Variants in FRMD7 observed in about 807,000 individuals in gnomAD.
The protein encoded by FRMD7 is FERM domain-containing protein 7.
FRMD7 carries 14 observed loss-of-function variants against 44.1 expected under a neutral mutation model. The ratio of observed to expected loss-of-function variants is 0.32; its 90% CI spans 0.21 to 0.50. The LOEUF (loss-of-function observed/expected upper bound fraction) is 0.50, where lower values mean the gene tolerates loss of function less well. FRMD7 is among the 20% of genes least tolerant of loss of function. The pLI is 0.99. For synonymous variants in FRMD7, 212 were observed against 187.4 expected (o/e 1.13, Z -1.07); for missense variants, 501 against 522.3 (o/e 0.96, Z 0.40).
rs772563378 is a variant in FRMD7, at chrX:132,094,067, C to T, written c.357G>A (p.Ala119=). ...ATTGTAAGATGTGAGATACCATCAA[C>T]GCTGTACAGTTGTCACTGCATGGAA... ...GRLPCSDNCT[A]LMVSHILQSE... The change falls in exon 5 of 12, where the codon GCG becomes GCA. Residue 119 remains alanine, a synonymous_variant. Coordinates refer to ENST00000298542, the MANE Select transcript of FRMD7 (RefSeq NM_194277.3). 6.8e-6 allele frequency: 8 copies of T among 1,170,501 alleles called. No individual in the cohort carries two copies. The highest frequency in any genetic ancestry group is 3.0e-5 in the East Asian group (1 of 33,659).
At chrX:132,120,225 A>G (rs1183637895) in intron 1 of FRMD7, among the ~76,000 whole-genome samples, 1 of 112,869 alleles carries the variant, frequency 8.9e-6, no homozygotes, top group East Asian at 2.8e-4. Context: ...TGTTTGTGAC[A>G]GGTCAAAACA....
At chrX:132,119,476 T>C (rs1928981843) in intron 1 of FRMD7, among the ~76,000 whole-genome samples, 1 of 111,572 alleles carries the variant, frequency 9.0e-6, no homozygotes, top group African/African-American at 3.3e-5. Context: ...AAGGACCTCT[T>C]GTTTAAGACA....
chrX:132,086,642 C>T (rs766408623), intron 5 of FRMD7, among the ~76,000 whole-genome samples: 1 of 104,555 alleles, frequency 9.6e-6, no homozygotes, highest in East Asian at 3.0e-4. Flanking sequence ...CATCTGCTAG[C>T]CAAGGAGAAA....
intron 1 of FRMD7, among the ~76,000 whole-genome samples, chrX:132,122,684 T>C (rs1412234906): frequency 6.2e-5 from 7 of 112,367 alleles, no homozygotes; most frequent in Admixed American, 9.4e-5. Flanking sequence ...GGCATATGTG[T>C]TTGGATATAG....
intron 1 of FRMD7, among the ~76,000 whole-genome samples, chrX:132,102,375 G>A (rs1928523847): frequency 8.9e-6 from 1 of 111,950 alleles, no homozygotes; most frequent in Non-Finnish European, 1.9e-5. Context: ...GCTCTACCAA[G>A]GGAAAGGGGG....
intron 1 of FRMD7, among the ~76,000 whole-genome samples, chrX:132,117,908 T>C (rs1928941045): frequency 8.9e-6 from 1 of 112,358 alleles, no homozygotes; most frequent in South Asian, 3.7e-4. Context: ...GATACATTTT[T>C]CCAGAAACTG....
intron 1 of FRMD7, among the ~76,000 whole-genome samples, chrX:132,127,150 C>A (rs191108708): frequency 6.2e-5 from 7 of 112,518 alleles, no homozygotes; most frequent in African/African-American, 1.6e-4. Flanking sequence ...GATGTTGGAA[C>A]ATGAGCACCA....
chrX:132,093,354 T>A (rs978278741), intron 5 of FRMD7, among the ~76,000 whole-genome samples: 3 of 112,137 alleles, frequency 2.7e-5, no homozygotes, highest in African/African-American at 9.7e-5. Flanking sequence ...AGGGAGAAAA[T>A]GTCCAGCTGG....
intron 1 of FRMD7, among the ~76,000 whole-genome samples, chrX:132,126,075 C>A (rs1192573971): frequency 1.0e-5 from 1 of 98,894 alleles, no homozygotes; most frequent in Non-Finnish European, 2.0e-5. Context: ...ATCATCATCA[C>A]CACCATTATC....
chrX:132,127,323 C>G (rs1602844265), intron 1 of FRMD7, among the ~76,000 whole-genome samples: 1 of 111,864 alleles, frequency 8.9e-6, no homozygotes, highest in African/African-American at 3.3e-5. Context: ...TCATTCCTTC[C>G]TGAAGTTCTC....
At chrX:132,118,884 T>C (rs141299247) in intron 1 of FRMD7, among the ~76,000 whole-genome samples, 1,228 of 110,574 alleles carry the variant, frequency 0.011, 6 homozygotes, top group Admixed American at 0.017. Context: ...CCCCAACACA[T>C]ACCTAAATAA....
At chrX:132,094,003 G>T in intron 5 of FRMD7, 39 bp downstream of exon 5, 1 of 831,915 alleles carries the variant, frequency 1.2e-6, no homozygotes, top group Non-Finnish European at 1.8e-6. Flanking sequence ...TCTCTACCTG[G>T]CTGATAGGTC....
Position 132,099,519 on chromosome X carries a change from A to T in FRMD7, c.163-9T>A. On this transcript the variant is annotated splice_polypyrimidine_tract_variant and intron_variant, in intron 2 of 11. Coordinates refer to ENST00000298542, the MANE Select transcript of FRMD7 (RefSeq NM_194277.3). ...AAAAGCTCCAGCCAAACCTGTAATAACATTAAGGAAAAAATTGGTAGAGCA... is the reference window on the plus strand; with the variant it reads ...AAAAGCTCCAGCCAAACCTGTAATATCATTAAGGAAAAAATTGGTAGAGCA... 2 of 1,192,024 alleles carry T rather than the reference A, an allele frequency of 1.7e-6. No individual in the cohort carries two copies. Among genetic ancestry groups the T allele is most frequent in the Non-Finnish European group, 2.3e-6 (2 of 880,632 alleles).
At chrX:132,100,494 C>G in intron 2 of FRMD7, 118 bp downstream of exon 2, 1 of 550,901 alleles carries the variant, frequency 1.8e-6, no homozygotes, top group African/African-American at 2.2e-5. Context: ...AATCATGTTG[C>G]AAGGGTGCAC....
Position 132,078,704 on chromosome X carries a change from G to GA in FRMD7, c.1312dup (p.Ser438PhefsTer14). 8.3e-7 allele frequency: 1 copy of GA among 1,210,992 alleles called. No homozygotes were observed. The highest frequency in any genetic ancestry group is 1.1e-6 in the Non-Finnish European group (1 of 894,811). Reference sequence around the variant, plus strand: ...GAAGGAGCTTAGAGAACTCCTCTCTGAAAAAATGTCTCTGGGATCAGGGTT... The same window carrying GA: ...GAAGGAGCTTAGAGAACTCCTCTCTGAAAAAAATGTCTCTGGGATCAGGGTT... On this transcript the variant is annotated frameshift_variant, in exon 12 of 12. Transcript: ENST00000298542. LOFTEE classifies it high-confidence loss of function.
chrX:132,120,272 G>A (rs1347521577), intron 1 of FRMD7, among the ~76,000 whole-genome samples: 1 of 112,658 alleles, frequency 8.9e-6, no homozygotes, highest in Non-Finnish European at 1.9e-5. Context: ...GCGGGAGAGA[G>A]AAACTCCTAT....
chrX:132,103,567 T>G (rs1167591880), intron 1 of FRMD7, among the ~76,000 whole-genome samples: 2 of 111,303 alleles, frequency 1.8e-5, no homozygotes, highest in Non-Finnish European at 3.8e-5. Context: ...TAACTTGGAT[T>G]TATAATCTTT....
At chrX:132,114,076 C>T (rs1928843697) in intron 1 of FRMD7, among the ~76,000 whole-genome samples, 1 of 110,443 alleles carries the variant, frequency 9.1e-6, no homozygotes, top group African/African-American at 3.3e-5. Context: ...TTTAGCCTCC[C>T]TTTTCTCACT....
At position 132,078,591 on chromosome X, in the gene FRMD7, T is replaced by C. The variant is rs1927700904; in HGVS notation, c.1426A>G (p.Thr476Ala). The part of the protein sequence containing the change: ...KVRPAKQLTY[T>A]DVPYIPCTGQ... ...GTACAAGGAATATAGGGCACATCCG[T>C]GTAAGTTAGCTGCTTTGCTGGACGC... is the stretch of plus-strand genomic sequence containing the variant. The change falls in exon 12 of 12, where the codon ACG (threonine) becomes GCG (alanine). Residue 476 changes from threonine (T) to alanine (A), a missense_variant. Thr to Ala is a moderately conservative substitution (Grantham distance 58, BLOSUM62 0). Coordinates refer to ENST00000298542, the MANE Select transcript of FRMD7 (RefSeq NM_194277.3). 1 of 1,209,769 alleles carries C rather than the reference T, an allele frequency of 8.3e-7. No homozygotes were observed. Among genetic ancestry groups the C allele is most frequent in the Admixed American group, 2.2e-5 (1 of 45,743 alleles).
Sources: allele counts gnomAD v4.1 joint callset (sites outside exome capture counted in the v4.1 genomes callset), GRCh38; gene constraint gnomAD v4.1.1; transcripts MANE v1.5; gene names NCBI Gene and HGNC (gene_info 2026-07-23, HGNC 2026-07-21).